The following PRTFDC1 variants were observed in gnomAD, a reference collection of about 807,000 sequenced individuals.
PRTFDC1 encodes phosphoribosyltransferase domain-containing protein 1.
In PRTFDC1, 38 loss-of-function variants were observed where a neutral mutation model predicts 34.6. That is an observed-to-expected ratio of 1.10 (90% CI 0.85 to 1.44). The LOEUF is 1.44. PRTFDC1 is among the 40% of genes most tolerant of loss of function. PRTFDC1 has a pLI of 0.00. For missense variants in PRTFDC1, 270 were observed against 283.0 expected, an observed-to-expected ratio of 0.95 and a Z score of 0.33; for synonymous variants, 93 against 98.1, an observed-to-expected ratio of 0.95 and a Z score of 0.31.
intron 3 of PRTFDC1, among the ~76,000 whole-genome samples, chr10:24,876,205 C>G (rs951202817): frequency 6.6e-6 from 1 of 151,302 alleles, no homozygotes; most frequent in Non-Finnish European, 1.5e-5. Flanking sequence ...CATAGTGAGA[C>G]CAACGTTTCT....
At position 24,872,806 on chromosome 10, in the gene PRTFDC1, A is replaced by ATAT. The variant is rs1235935301; in HGVS notation, c.340-744_340-743insATA. 8.5e-5 allele frequency among the ~76,000 whole-genome samples: 10 copies of ATAT among 117,606 alleles called. No individual in the cohort carries two copies. In the South Asian group the frequency reaches 1.1e-3, roughly 13 times the overall value. 77.2% of individuals were successfully genotyped at this position (117,606 alleles called of 152,430 possible). A position where few individuals can be genotyped will look rare whatever the true frequency, so the allele number is the denominator to read the frequency against. On this transcript the variant is annotated intron_variant, in intron 3 of 8. Coordinates refer to ENST00000320152, the MANE Select transcript of PRTFDC1 (RefSeq NM_020200.7). The stretch of plus-strand genomic sequence containing the variant: ...TGTGTGTGTATATATATATATATAT[A>ATAT]TTTTTTTTTTTTTTTTTTTTTGAGA...
chr10:24,920,495 A>G (rs1848771812), intron 3 of PRTFDC1, among the ~76,000 whole-genome samples: 1 of 152,174 alleles, frequency 6.6e-6, no homozygotes. Context: ...GAACACATGG[A>G]CACAAGGAGG....
Position 24,898,435 on chromosome 10 carries a change from GC to G in PRTFDC1, c.340-26373del, listed in dbSNP as rs529390683. Among the ~76,000 whole-genome samples the G allele has an allele frequency of 7.9e-5, 11 of 138,414 alleles. No individual in the cohort carries two copies. In the South Asian group the frequency reaches 2.4e-3, roughly 30 times the overall value. 90.8% of individuals were successfully genotyped at this position (138,414 alleles called of 152,430 possible). A position where few individuals can be genotyped will look rare whatever the true frequency, so the allele number is the denominator to read the frequency against. On this transcript the variant is annotated intron_variant, in intron 3 of 8. Coordinates refer to ENST00000320152, the MANE Select transcript of PRTFDC1 (RefSeq NM_020200.7). ...GCCATGATTGTGCCACTGTACTCCG[GC>G]CCGGGTGACAGAATGAGACCCTGTC... is the stretch of plus-strand genomic sequence containing the variant.
intron 3 of PRTFDC1, among the ~76,000 whole-genome samples, chr10:24,914,817 A>G (rs1423279630): frequency 3.9e-5 from 6 of 152,196 alleles, no homozygotes; most frequent in Admixed American, 2.6e-4. Context: ...ACATTAAAAC[A>G]AGTAGCTTCT....
At position 24,952,322 on chromosome 10, in the gene PRTFDC1, G is replaced by A. The variant is rs1288710812; in HGVS notation, c.48+206C>T. Among the ~76,000 whole-genome samples, 1 of 152,068 alleles carries A rather than the reference G, an allele frequency of 6.6e-6. No homozygotes were observed. The highest frequency in any genetic ancestry group is 2.4e-5 in the African/African-American group (1 of 41,432). ...CACGGGGGGACGCTGGGAACTCGGG[G>A]TGAAGGGACGGGACTCAGAGTTTCG... is the stretch of plus-strand genomic sequence containing the variant. On this transcript the variant is annotated intron_variant, in intron 1 of 8. Coordinates refer to ENST00000320152, the MANE Select transcript of PRTFDC1 (RefSeq NM_020200.7). This position sits in a 1 kb window ranked among gnomAD's most constrained non-coding sequence, Gnocchi z 5.1.
Position 24,889,066 on chromosome 10 carries a change from A to G in PRTFDC1, c.340-17003T>C, listed in dbSNP as rs111380392. On this transcript the variant is annotated intron_variant, in intron 3 of 8. Coordinates refer to ENST00000320152, the MANE Select transcript of PRTFDC1 (RefSeq NM_020200.7). The stretch of plus-strand genomic sequence containing the variant: ...CAAATTCAGATGTTGAAATCGAATC[A>G]CCATGATACTAGGAGGTGGGGACTT... 2.8e-3 allele frequency among the ~76,000 whole-genome samples: 426 copies of G among 152,234 alleles called. 2 individuals carry two copies. Among genetic ancestry groups the G allele is most frequent in the African/African-American group, 9.6e-3 (401 of 41,558 alleles).
chr10:24,849,915 G>A (rs754137754), intron 8 of PRTFDC1, 24 bp from the exon 9 acceptor site: 6 of 1,611,744 alleles, frequency 3.7e-6, no homozygotes, highest in East Asian at 4.5e-5. Flanking sequence ...GGATTTAAAC[G>A]CATCAGTTTC....
intron 3 of PRTFDC1, among the ~76,000 whole-genome samples, chr10:24,929,894 C>G (rs1848945297): frequency 6.6e-6 from 1 of 152,164 alleles, no homozygotes; most frequent in African/African-American, 2.4e-5. Flanking sequence ...CACTTCCACC[C>G]TGATAGAGCT....
intron 2 of PRTFDC1, among the ~76,000 whole-genome samples, chr10:24,938,413 T>G (rs886846709): frequency 6.6e-6 from 1 of 152,080 alleles, no homozygotes; most frequent in East Asian, 1.9e-4. Context: ...GAACACTGGG[T>G]GGAAACAGCA....
At chr10:24,928,029 A>G (rs779389410) in intron 3 of PRTFDC1, among the ~76,000 whole-genome samples, 6 of 152,200 alleles carry the variant, frequency 3.9e-5, no homozygotes, top group Non-Finnish European at 8.8e-5. Context: ...TTTTGTTATA[A>G]TATCTCCCAA....
intron 7 of PRTFDC1, among the ~76,000 whole-genome samples, chr10:24,851,877 A>G (rs1847496176): frequency 6.6e-6 from 1 of 151,872 alleles, no homozygotes; most frequent in African/African-American, 2.4e-5. Flanking sequence ...ACGCTGCATT[A>G]TGTGAACAGG....
At chr10:24,919,315 C>T (rs1848744640) in intron 3 of PRTFDC1, among the ~76,000 whole-genome samples, 1 of 152,112 alleles carries the variant, frequency 6.6e-6, no homozygotes, top group African/African-American at 2.4e-5. Context: ...ATAGAGATTT[C>T]AGAAATAAGA....
At chr10:24,885,550 TG>T (rs1238424632) in intron 3 of PRTFDC1, among the ~76,000 whole-genome samples, 3 of 152,162 alleles carry the variant, frequency 2.0e-5, no homozygotes. Flanking sequence ...GGATTACAGA[TG>T]TGCGCCATCA....
chr10:24,940,144 ACAGT>A (rs1849131233), intron 2 of PRTFDC1, among the ~76,000 whole-genome samples: 1 of 152,210 alleles, frequency 6.6e-6, no homozygotes, highest in African/African-American at 2.4e-5. Flanking sequence ...GACAGGTCCA[ACAGT>A]CAGAGAATCA....
rs568330343 is a variant in PRTFDC1, at chr10:24,877,298, C to T, written c.340-5235G>A. On this transcript the variant is annotated intron_variant, in intron 3 of 8. Coordinates refer to ENST00000320152, the MANE Select transcript of PRTFDC1 (RefSeq NM_020200.7). ...GATCCTCCTGCCTCAGCCTCCCAAT[C>T]GTTGGGATTATGGCCGTGAGCCATC... Among the ~76,000 whole-genome samples, 6 of 151,976 alleles carry T rather than the reference C, an allele frequency of 3.9e-5. No homozygotes were observed. The East Asian group carries it at 7.8e-4, about 20-fold the overall frequency.
intron 7 of PRTFDC1, 84 bp downstream of exon 7, chr10:24,855,234 A>G (rs1282524882): frequency 8.6e-6 from 12 of 1,395,042 alleles, no homozygotes; most frequent in Non-Finnish European, 1.2e-5. Flanking sequence ...GTCAAATAGG[A>G]AACCAAAGAT....
At chr10:24,882,940 G>C (rs1025486895) in intron 3 of PRTFDC1, among the ~76,000 whole-genome samples, 1 of 150,882 alleles carries the variant, frequency 6.6e-6, no homozygotes, top group Non-Finnish European at 1.5e-5. Context: ...ATTGGATAAT[G>C]AGTAAAGGAT....
chr10:24,897,001 G>C (rs957259148), intron 3 of PRTFDC1, among the ~76,000 whole-genome samples: 2 of 152,168 alleles, frequency 1.3e-5, no homozygotes, highest in Non-Finnish European at 2.9e-5. Flanking sequence ...CTTAAGTCCA[G>C]GAGTTCAAGA....
At position 24,894,977 on chromosome 10, in the gene PRTFDC1, C is replaced by G. The variant is rs113925216; in HGVS notation, c.340-22914G>C. Among the ~76,000 whole-genome samples, 306 of 152,214 alleles carry G rather than the reference C, an allele frequency of 2.0e-3. 2 individuals are homozygous for G. Among genetic ancestry groups the G allele is most frequent in the African/African-American group, 6.4e-3 (267 of 41,536 alleles). ...TTAAACTCAAAGAGAGACAGAGAAGCCGAGTGGTTCATGAAAGAAAACCCT... is the reference window on the plus strand; with the variant it reads ...TTAAACTCAAAGAGAGACAGAGAAGGCGAGTGGTTCATGAAAGAAAACCCT... On this transcript the variant is annotated intron_variant, in intron 3 of 8. Transcript: ENST00000320152.
Sources: gnomAD v4.1 joint callset for allele counts (sites outside exome capture counted in the v4.1 genomes callset) on GRCh38, gnomAD v4.1.1 for gene constraint, Gnocchi (gnomAD v3.1) non-coding constraint, MANE v1.5 for transcripts, NCBI Gene and HGNC (gene_info 2026-07-23, HGNC 2026-07-21) for gene names.